Variants in TTN observed in about 807,000 individuals in gnomAD.
The protein encoded by TTN is titin.
In TTN, 1,525 loss-of-function variants were observed where a neutral mutation model predicts 3,223.0. That is an observed-to-expected ratio of 0.47 (90% CI 0.45 to 0.49). TTN has a LOEUF of 0.49. Among genes scored for constraint, TTN ranks in the 20% least tolerant of loss-of-function variants. The pLI is 0.00. For synonymous variants in TTN, 14,094 were observed against 15,161.0 expected (o/e 0.93, Z 5.17); for missense variants, 40,786 against 43,424.0 (o/e 0.94, Z 5.40).
intron 163 of TTN, among the ~76,000 whole-genome samples, chr2:178,666,186 A>G (rs1014094994): frequency 1.3e-5 from 2 of 152,118 alleles, no homozygotes; most frequent in Admixed American, 6.6e-5. Context: ...CAAGTTTAGG[A>G]GAGAGGAGAA....
rs1191904329 is a variant in TTN at position 178,647,345 on chromosome 2, T to C, written c.40141+36A>G. ...ATCAAAGCAAGAGGATGAAGACAAT[T>C]GTCATCTTTCCAAGATTTATGGAGA... On this transcript the variant is annotated intron_variant, in intron 214 of 362. Transcript: ENST00000589042. 1.0e-5 allele frequency: 16 copies of C among 1,543,282 alleles called. No homozygotes were observed. The South Asian group carries it at 1.9e-4, about 19-fold the overall frequency.
rs1199035064 is a variant in TTN at position 178,715,658 on chromosome 2, C to T, written c.25756G>A (p.Asp8586Asn). The change falls in exon 89 of 363, where the codon GAC becomes AAC. Residue 8586 changes from aspartate to asparagine, a missense_variant. Coordinates refer to ENST00000589042, the MANE Select transcript of TTN (RefSeq NM_001267550.2). ...CTGCTCTCTTGAATTTCAGTCTCGT[C>T]CTTATACCATAAAACTTTGATTTCT... ...SPEIKVLWYK[D>N]ETEIQESSKF... 5 of 1,613,294 alleles carry T rather than the reference C, an allele frequency of 3.1e-6. No individual in the cohort carries two copies. In the African/African-American group the frequency reaches 5.3e-5, roughly 17 times the overall value.
In TTN at chr2:178,741,782, G is replaced by A; in HGVS notation, c.11451C>T (p.Gly3817=). The A allele has an allele frequency of 6.2e-7, 1 of 1,613,426 alleles. No homozygotes were observed. Among genetic ancestry groups the A allele is most frequent in the East Asian group, 2.2e-5 (1 of 44,766 alleles). The stretch of plus-strand genomic sequence containing the variant: ...CTTCTTTGATGAAAATTGGGCCAGT[G>A]CCTTCCTTTTCGGAATCAAATTTAG... ...YPTKFDSEKE[G]TGPIFIKEVS... is the part of the protein sequence containing the mutation. Residue 3817 remains glycine (G), a synonymous_variant, in exon 48 of 363, where the codon GGC becomes GGT. Coordinates refer to ENST00000589042, the MANE Select transcript of TTN (RefSeq NM_001267550.2).
chr2:178,618,880 C>T, intron 250 of TTN, 27 bp from the exon 251 acceptor site: 3 of 1,598,546 alleles, frequency 1.9e-6, no homozygotes, highest in Non-Finnish European at 1.7e-6. Context: ...CATGTGAACG[C>T]TTTCGACTAT....
In TTN at chr2:178,731,322, G is replaced by C; in HGVS notation, c.17444C>G (p.Ala5815Gly). 1 of 1,613,752 alleles carries C rather than the reference G, an allele frequency of 6.2e-7. No homozygotes were observed. ...KNDAGIQRCS[A>G]LLSVKEPATI... ...GAACCAACCTTTTACTGAGAGTAAT[G>C]CAGAACATCTTTGTATTCCTGCATC... Residue 5815 changes from alanine to glycine, a missense_variant, in exon 59 of 363, where the codon GCA (alanine) becomes GGA (glycine). Coordinates refer to ENST00000589042, the MANE Select transcript of TTN (RefSeq NM_001267550.2).
Position 178,593,737 on chromosome 2 carries a change from T to G in TTN, c.58563A>C (p.Glu19521Asp), listed in dbSNP as rs1156295835. The change falls in exon 298 of 363, where the codon GAA becomes GAC. Residue 19521 changes from glutamate (E) to aspartate (D), a missense_variant. By Grantham distance (45) the Glu-to-Asp change is conservative (BLOSUM62 2). Transcript: ENST00000589042. ...KITNYIIEKK[E>D]VGKDVWMPVT... ...CTGGCATCCAGACGTCTTTACCCAC[T>G]TCCTTCTTCTCAATAATATAATTGG... The G allele has an allele frequency of 1.2e-6, 2 of 1,613,320 alleles. No individual in the cohort carries two copies. Among genetic ancestry groups the G allele is most frequent in the Non-Finnish European group, 8.5e-7 (1 of 1,179,608 alleles).
At chr2:178,687,816 G>C (rs1044802885) in intron 127 of TTN, among the ~76,000 whole-genome samples, 7 of 152,122 alleles carry the variant, frequency 4.6e-5, no homozygotes, top group African/African-American at 7.2e-5. Context: ...TTAATGAAAG[G>C]ATATATGTAT....
intron 161 of TTN, 60 bp downstream of exon 161, chr2:178,667,382 G>A: frequency 1.3e-6 from 2 of 1,569,928 alleles, no homozygotes; most frequent in Non-Finnish European, 1.7e-6. Context: ...TAAAAAGCAT[G>A]CAATGTTTGA....
chr2:178,779,050 A>T lies in TTN; in HGVS notation c.4032T>A (p.Asp1344Glu), dbSNP rs1244864946. ...GERYQMDFLQ[D>E]GRASLRIPVV... ...CAGGTATACGCAGACTAGCTCTGCC[A>T]TCTTGTAGAAAGTCCATTTGGTATC... The change falls in exon 24 of 363, where the codon GAT (aspartate) becomes GAA (glutamate). Residue 1344 changes from aspartate to glutamate, a missense_variant. Coordinates refer to ENST00000589042, the MANE Select transcript of TTN (RefSeq NM_001267550.2). The T allele has an allele frequency of 3.1e-6, 5 of 1,613,938 alleles. No homozygotes were observed. Among genetic ancestry groups the T allele is most frequent in the Non-Finnish European group, 4.2e-6 (5 of 1,179,970 alleles).
At chr2:178,627,664 G>T (rs964113821) in intron 240 of TTN, among the ~76,000 whole-genome samples, 4 of 151,798 alleles carry the variant, frequency 2.6e-5, no homozygotes, top group Non-Finnish European at 4.4e-5. Flanking sequence ...GTTACAATGA[G>T]AATTTTTTAA....
chr2:178,553,619 C>T lies in TTN; in HGVS notation c.89386G>A (p.Val29796Met), dbSNP rs72648237. The change falls in exon 334 of 363, where the codon GTG becomes ATG. Residue 29796 changes from valine to methionine, a missense_variant. Val to Met is a conservative substitution (Grantham distance 21). Coordinates refer to ENST00000589042, the MANE Select transcript of TTN (RefSeq NM_001267550.2). ...ACTCCAGGTTTCAGGTTGGATACCA[C>T]ATATTCTGTAGTTCTGACCTCTCCT... ...TKGEVRTTEY[V>M]VSNLKPGVNY... 9.6e-4 allele frequency: 1,557 copies of T among 1,613,874 alleles called. 5 individuals are homozygous for T. The highest frequency in any genetic ancestry group is 5.1e-3 in the South Asian group (463 of 91,084).
At chr2:178,686,199 C>A (rs1391346375) in intron 127 of TTN, among the ~76,000 whole-genome samples, 2 of 134,140 alleles carry the variant, frequency 1.5e-5, no homozygotes, top group Admixed American at 1.6e-4. Flanking sequence ...CGGCTCACTG[C>A]AAGCTCCGCC....
intron 4 of TTN, 112 bp downstream of exon 4, chr2:178,800,283 G>A: frequency 1.4e-6 from 2 of 1,411,452 alleles, no homozygotes; most frequent in Admixed American, 1.9e-5. Context: ...TTTTATATCA[G>A]CTCACAGCAT....
intron 344 of TTN, 113 bp from the exon 345 acceptor site, chr2:178,544,619 C>G: frequency 1.2e-6 from 1 of 844,160 alleles, no homozygotes; most frequent in East Asian, 2.5e-5. Flanking sequence ...CCACACTCAC[C>G]AAGATAATCT....
Position 178,789,989 on chromosome 2 carries a change from T to C in TTN, c.1927A>G (p.Thr643Ala), listed in dbSNP as rs879219596. 1.2e-6 allele frequency: 2 copies of C among 1,612,850 alleles called. No homozygotes were observed. Among genetic ancestry groups the C allele is most frequent in the Non-Finnish European group, 8.5e-7 (1 of 1,179,284 alleles). ...ITTKREQVQI[T>A]QEKMRKEAEK... ...ATATCTGTATTCACCTTCTCCTGAG[T>C]TATTTGCACTTGTTCTCTTTTGGTA... Residue 643 changes from threonine (T) to alanine (A), a missense_variant, in exon 12 of 363, where the codon ACT becomes GCT. Physicochemically the swap from Thr to Ala is moderately conservative, Grantham distance 58 (BLOSUM62 0). Coordinates refer to ENST00000589042, the MANE Select transcript of TTN (RefSeq NM_001267550.2).
chr2:178,578,952 G>A lies in TTN; in HGVS notation c.68078C>T (p.Thr22693Met), dbSNP rs758700425. ...GGTTTTCTGGACAGCTGAGGCGCAC[G>A]TCACCCACTTGTTGTTCACAGAATC... ...KRDSVNNKWV[T>M]CASAVQKTTF... The change falls in exon 320 of 363, where the codon ACG becomes ATG. Residue 22693 changes from threonine to methionine, a missense_variant. Coordinates refer to ENST00000589042, the MANE Select transcript of TTN (RefSeq NM_001267550.2). The A allele has an allele frequency of 7.4e-6, 12 of 1,613,068 alleles. No homozygotes were observed. Among genetic ancestry groups the A allele is most frequent in the East Asian group, 2.2e-5 (1 of 44,740 alleles).
At chr2:178,539,333 A>C (rs1022256115) in intron 352 of TTN, 49 bp downstream of exon 352, 4 of 1,594,910 alleles carry the variant, frequency 2.5e-6, no homozygotes, top group Non-Finnish European at 3.4e-6. Flanking sequence ...TTAAAAACAG[A>C]AAAGTGCTGA....
intron 6 of TTN, among the ~76,000 whole-genome samples, chr2:178,796,716 G>T (rs1004192043): frequency 1.3e-5 from 2 of 152,106 alleles, no homozygotes; most frequent in Non-Finnish European, 2.9e-5. Flanking sequence ...TAGTAAATGG[G>T]TTTAATTCAA....
chr2:178,692,000 A>G lies in TTN; in HGVS notation c.31762+16T>C. 2 of 1,605,890 alleles carry G rather than the reference A, an allele frequency of 1.2e-6. No individual in the cohort carries two copies. The highest frequency in any genetic ancestry group is 1.7e-6 in the Non-Finnish European group (2 of 1,176,148). On this transcript the variant is annotated intron_variant, in intron 121 of 362. Coordinates refer to ENST00000589042, the MANE Select transcript of TTN (RefSeq NM_001267550.2). ...ACTTGGAGCAAAGAGTCTCCCCATCATTGGCTCTGGCGTACCTTTTGGGGG... is the reference window on the plus strand; with the variant it reads ...ACTTGGAGCAAAGAGTCTCCCCATCGTTGGCTCTGGCGTACCTTTTGGGGG...
Sources: gnomAD v4.1 joint callset for allele counts (sites outside exome capture counted in the v4.1 genomes callset) on GRCh38, gnomAD v4.1.1 for gene constraint, MANE v1.5 for transcripts, NCBI Gene and HGNC (gene_info 2026-07-23, HGNC 2026-07-21) for gene names.